Variants in RXFP2 observed in about 807,000 individuals in gnomAD.
RXFP2 encodes relaxin family peptide receptor 2.
Under a neutral mutation model 88.6 loss-of-function variants are expected in RXFP2, and 68 were observed. The observed-to-expected ratio is 0.77, with a 90% CI of 0.63 to 0.94. RXFP2 has a LOEUF of 0.94. Among genes scored for constraint, RXFP2 ranks in the 40% least tolerant of loss-of-function variants. The pLI is 0.00. For synonymous variants in RXFP2, 329 were observed against 306.8 expected (o/e 1.07, Z -0.76); for missense variants, 791 against 893.9 (o/e 0.88, Z 1.47).
chr13:31,771,768 G>T (rs1283579148), intron 5 of RXFP2, among the ~76,000 whole-genome samples: 2 of 150,144 alleles, frequency 1.3e-5, no homozygotes, highest in Non-Finnish European at 3.0e-5. Context: ...CTCCAGCCTG[G>T]GCAATGGAGC....
intron 5 of RXFP2, among the ~76,000 whole-genome samples, chr13:31,767,946 T>C (rs905956425): frequency 1.3e-5 from 2 of 152,126 alleles, no homozygotes; most frequent in Admixed American, 1.3e-4. Context: ...GGGTTAAAAT[T>C]AGACTTCTCA....
Position 31,784,352 on chromosome 13 carries a change from C to A in RXFP2, c.929+1605C>A, listed in dbSNP as rs78892043. Among the ~76,000 whole-genome samples the A allele has an allele frequency of 3.5e-4, 54 of 152,250 alleles. No homozygotes were observed. In the East Asian group the frequency reaches 0.01, roughly 29 times the overall value. On this transcript the variant is annotated intron_variant, in intron 11 of 17. Transcript: ENST00000298386. ...CAGAAGCTGGTAGGCTTAACTAGAA[C>A]AAGGCATTCATATGTCTTGAGTTTA...
intron 17 of RXFP2, among the ~76,000 whole-genome samples, chr13:31,798,125 T>C (rs534786172): frequency 6.6e-6 from 1 of 152,298 alleles, no homozygotes; most frequent in African/African-American, 2.4e-5. Context: ...TCCAAGACAG[T>C]AATTGTGTCT....
In RXFP2 at chr13:31,792,943, G is replaced by T. The variant is rs768535675; in HGVS notation, c.1641G>T (p.Met547Ile). The T allele has an allele frequency of 6.2e-7, 1 of 1,614,060 alleles. No individual in the cohort carries two copies. Residue 547 changes from methionine (M) to isoleucine (I), a missense_variant, in exon 16 of 18, where the codon ATG (methionine) becomes ATT (isoleucine). Coordinates refer to ENST00000298386, the MANE Select transcript of RXFP2 (RefSeq NM_130806.5). ...CAGTCATCCTCATTTGCATCTGGAT[G>T]GCGGGATTTTTAATAGCTGTAATTC... The part of the protein sequence containing the change: ...QTSVILICIW[M>I]AGFLIAVIPF...
At chr13:31,767,842 C>G (rs771854323) in intron 5 of RXFP2, among the ~76,000 whole-genome samples, 2 of 152,086 alleles carry the variant, frequency 1.3e-5, no homozygotes, top group Non-Finnish European at 2.9e-5. Context: ...ACTGTCCCAC[C>G]CCATGTAGAA....
intron 16 of RXFP2, 31 bp from the exon 17 acceptor site, chr13:31,797,170 T>G: frequency 2.6e-5 from 38 of 1,444,744 alleles, no homozygotes; most frequent in Middle Eastern, 1.8e-4. Flanking sequence ...CTTTTACGCC[T>G]GAGATGTTAA....
At chr13:31,745,340 A>G (rs1417084235) in intron 1 of RXFP2, among the ~76,000 whole-genome samples, 1 of 152,206 alleles carries the variant, frequency 6.6e-6, no homozygotes, top group African/African-American at 2.4e-5. Flanking sequence ...GAACTGTCGC[A>G]TCTCAGAGGT....
chr13:31,757,780 G>A (rs1192586933), intron 1 of RXFP2, among the ~76,000 whole-genome samples: 1 of 152,072 alleles, frequency 6.6e-6, no homozygotes, highest in Non-Finnish European at 1.5e-5. Context: ...CTGATGTTGG[G>A]TGTGATTATG....
chr13:31,754,038 G>A (rs1264809937), intron 1 of RXFP2, among the ~76,000 whole-genome samples: 1 of 152,148 alleles, frequency 6.6e-6, no homozygotes, highest in African/African-American at 2.4e-5. Context: ...AAATGCAGTC[G>A]GCAGGTTCTA....
chr13:31,758,841 C>T (rs1486679691), intron 2 of RXFP2, among the ~76,000 whole-genome samples: 1 of 152,028 alleles, frequency 6.6e-6, no homozygotes, highest in Non-Finnish European at 1.5e-5. Context: ...AGTTCGAGAT[C>T]AGCCTGGCCA....
At chr13:31,772,243 C>A (rs185323344) in intron 5 of RXFP2, among the ~76,000 whole-genome samples, 1 of 152,290 alleles carries the variant, frequency 6.6e-6, no homozygotes, top group African/African-American at 2.4e-5. Context: ...GGAATTCCTT[C>A]TTAATCTGGG....
chr13:31,773,510 C>A (rs1872809216), intron 5 of RXFP2, among the ~76,000 whole-genome samples: 1 of 151,398 alleles, frequency 6.6e-6, no homozygotes, highest in Non-Finnish European at 1.5e-5. Context: ...CCATCTTTAC[C>A]ATTTTTAAGT....
At position 31,739,670 on chromosome 13, in the gene RXFP2, T is replaced by C. The variant is rs1247120860; in HGVS notation, c.58T>C (p.Phe20Leu). ...LFSLRLITMF[F>L]LLHFIVLINV... ...CAGCCTCAGATTGATTACAATGTTC[T>C]TTCTACTTCATTTCATCGTTCTGAT... The change falls in exon 1 of 18, where the codon TTT becomes CTT. Residue 20 changes from phenylalanine (F) to leucine (L), a missense_variant. Phe to Leu is a conservative substitution (Grantham distance 22, BLOSUM62 0). Coordinates refer to ENST00000298386, the MANE Select transcript of RXFP2 (RefSeq NM_130806.5). The C allele has an allele frequency of 6.2e-7, 1 of 1,610,250 alleles. No homozygotes were observed. The highest frequency in any genetic ancestry group is 2.2e-5 in the East Asian group (1 of 44,832).
intron 16 of RXFP2, among the ~76,000 whole-genome samples, chr13:31,793,868 T>C (rs1223949682): frequency 6.6e-6 from 1 of 152,190 alleles, no homozygotes; most frequent in African/African-American, 2.4e-5. Context: ...CTTCTGCTCC[T>C]TCCAGTCTCT....
intron 11 of RXFP2, 23 bp downstream of exon 11, chr13:31,782,770 A>C: frequency 7.2e-7 from 1 of 1,391,586 alleles, no homozygotes; most frequent in Non-Finnish European, 1.0e-6. Context: ...GTCTACTAGG[A>C]AAATATGATT....
At chr13:31,753,999 C>T (rs1045395762) in intron 1 of RXFP2, among the ~76,000 whole-genome samples, 3 of 152,162 alleles carry the variant, frequency 2.0e-5, no homozygotes. Flanking sequence ...GAAGATGCCA[C>T]TCTGGGGTGG....
At position 31,792,034 on chromosome 13, in the gene RXFP2, T is replaced by C; in HGVS notation, c.1374T>C (p.Cys458=). The change falls in exon 15 of 18, where the codon TGT becomes TGC. Residue 458 remains cysteine (C), a splice_region_variant and synonymous_variant. Transcript: ENST00000298386. ...TTHAMSIKIL[C]CADCLMGVYL... ...ACGCTATGTCCATCAAAATCCTTTG[T>C]TGTAAGTATGTTTCCAGTATAAGTA... 1 of 1,600,380 alleles carries C rather than the reference T, an allele frequency of 6.2e-7. No homozygotes were observed. Among genetic ancestry groups the C allele is most frequent in the East Asian group, 2.2e-5 (1 of 44,812 alleles).
intron 3 of RXFP2, among the ~76,000 whole-genome samples, chr13:31,764,576 C>T (rs1022286079): frequency 6.6e-6 from 1 of 152,096 alleles, no homozygotes; most frequent in Non-Finnish European, 1.5e-5. Flanking sequence ...ACCTGCATCT[C>T]AATCTTCTCA....
intron 7 of RXFP2, 58 bp from the exon 8 acceptor site, chr13:31,777,318 A>G: frequency 1.6e-6 from 2 of 1,220,952 alleles, no homozygotes; most frequent in Non-Finnish European, 2.4e-6. Context: ...GAGGGGAGGC[A>G]GGTTTTATTT....
Sources: allele counts gnomAD v4.1 joint callset (sites outside exome capture counted in the v4.1 genomes callset), GRCh38; gene constraint gnomAD v4.1.1; transcripts MANE v1.5; gene names NCBI Gene and HGNC (gene_info 2026-07-23, HGNC 2026-07-21).